Variants in SLC30A8 observed in about 807,000 individuals in gnomAD.
SLC30A8 encodes proton-coupled zinc antiporter SLC30A8.
Under a neutral mutation model 36.9 loss-of-function variants are expected in SLC30A8, and 27 were observed. The observed-to-expected ratio is 0.73, with a 90% CI of 0.54 to 1.01. The LOEUF (loss-of-function observed/expected upper bound fraction) is 1.01, where lower values mean the gene tolerates loss of function less well. Among genes scored for constraint, SLC30A8 ranks in the 50% least tolerant of loss-of-function variants. The pLI is 0.00. For synonymous variants in SLC30A8, 164 were observed against 172.4 expected, an observed-to-expected ratio of 0.95 and a Z score of 0.38; for missense variants, 439 against 452.0, an observed-to-expected ratio of 0.97 and a Z score of 0.26.
rs570475872 is a variant in SLC30A8, at chr8:117,048,556, A to T, written c.-226+9298A>T. ...ATCCTTTGGTTGAATTGCTTCATTT[A>T]TCACTAGATCCTGCTGATTACAATC... On this transcript the variant is annotated intron_variant, in intron 2 of 10. Transcript: ENST00000427715. Among the ~76,000 whole-genome samples the T allele has an allele frequency of 5.9e-5, 9 of 152,318 alleles. No individual in the cohort carries two copies. In the South Asian group the frequency reaches 1.0e-3, roughly 18 times the overall value.
chr8:117,135,144 G>A lies in SLC30A8; in HGVS notation c.-184G>A, dbSNP rs922826208. ...CAATGAAGCCAGGTAATATTGCAAGGAGGCTGTAATTTTAGCAGACCTACC... is the reference window on the plus strand; with the variant it reads ...CAATGAAGCCAGGTAATATTGCAAGAAGGCTGTAATTTTAGCAGACCTACC... On this transcript the variant is annotated 5_prime_UTR_variant, in exon 1 of 8. Coordinates refer to ENST00000456015, the MANE Select transcript of SLC30A8 (RefSeq NM_173851.3). 4.2e-5 allele frequency: 18 copies of A among 429,730 alleles called. No individual in the cohort carries two copies. Among genetic ancestry groups the A allele is most frequent in the South Asian group, 3.4e-4 (5 of 14,806 alleles). The allele number at this position is 429,730 out of a possible 1,614,324, so 26.6% of individuals were successfully genotyped here. A position where few individuals can be genotyped will look rare whatever the true frequency, so the allele number is the denominator to read the frequency against.
In SLC30A8 at chr8:117,011,907, A is replaced by G. The variant is rs527468779; in HGVS notation, c.-265-27312A>G. On this transcript the variant is annotated intron_variant, in intron 1 of 10. Transcript: ENST00000427715. ...AAAGACCATGAGTAATGTGAATTTT[A>G]TTAATTCAGAAGATTTTCTCATTCC... is the stretch of plus-strand genomic sequence containing the variant. Among the ~76,000 whole-genome samples, 23 of 152,348 alleles carry G rather than the reference A, an allele frequency of 1.5e-4. No homozygotes were observed. The South Asian group carries it at 3.9e-3, about 26-fold the overall frequency.
In SLC30A8 at chr8:117,172,541, A is replaced by G. The variant is rs999243796; in HGVS notation, c.970A>G (p.Ser324Gly). Residue 324 changes from serine (S) to glycine (G), a missense_variant, in exon 8 of 8, where the codon AGC becomes GGC. Physicochemically the swap from Ser to Gly is moderately conservative, Grantham distance 56 (BLOSUM62 0). Coordinates refer to ENST00000456015, the MANE Select transcript of SLC30A8 (RefSeq NM_173851.3). ...CTGTGCTTCTTTATCAACAGCAGCCAGCCGGGACAGCCAAGTGGTTCGGAG... is the reference window on the plus strand; with the variant it reads ...CTGTGCTTCTTTATCAACAGCAGCCGGCCGGGACAGCCAAGTGGTTCGGAG... The part of the protein sequence containing the change: ...ILSAHVATAA[S>G]RDSQVVRREI... The G allele has an allele frequency of 1.1e-5, 17 of 1,613,524 alleles. No homozygotes were observed. The highest frequency in any genetic ancestry group is 1.3e-5 in the African/African-American group (1 of 74,890).
intron 1 of SLC30A8, among the ~76,000 whole-genome samples, chr8:116,994,079 T>G (rs909131671): frequency 6.6e-6 from 1 of 151,842 alleles, no homozygotes; most frequent in Non-Finnish European, 1.5e-5. Context: ...AAGCACACTC[T>G]AGGCTCAGAT....
At chr8:117,062,641 G>T (rs943249838) in intron 2 of SLC30A8, among the ~76,000 whole-genome samples, 4 of 152,298 alleles carry the variant, frequency 2.6e-5, no homozygotes, top group East Asian at 3.9e-4. Context: ...ACATTACGTG[G>T]GAAGGAGGAG....
intron 2 of SLC30A8, among the ~76,000 whole-genome samples, chr8:117,040,493 A>G (rs1482048356): frequency 1.3e-5 from 2 of 152,242 alleles, no homozygotes; most frequent in Non-Finnish European, 2.9e-5. Context: ...GGCATTAGCT[A>G]CTTTAACAAG....
At chr8:117,056,982 C>A (rs550477973) in intron 2 of SLC30A8, among the ~76,000 whole-genome samples, 101 of 152,272 alleles carry the variant, frequency 6.6e-4, no homozygotes, top group African/African-American at 2.4e-3. Context: ...GCCACAGAAT[C>A]TCACTTGTAT....
At chr8:117,103,516 C>T (rs1586520978) in intron 2 of SLC30A8, among the ~76,000 whole-genome samples, 2 of 152,060 alleles carry the variant, frequency 1.3e-5, no homozygotes, top group African/African-American at 2.4e-5. Context: ...ACTCTGTTGC[C>T]CAGACTGGAG....
At chr8:116,990,413 T>C (rs1300919194) in intron 1 of SLC30A8, among the ~76,000 whole-genome samples, 2 of 152,190 alleles carry the variant, frequency 1.3e-5, no homozygotes, top group African/African-American at 4.8e-5. Flanking sequence ...TTATGTACTT[T>C]CCGATATCAT....
rs1822266670 is a variant in SLC30A8, at chr8:117,152,980, A to T, written c.308A>T (p.Asp103Val). The T allele has an allele frequency of 6.2e-7, 1 of 1,612,912 alleles. No individual in the cohort carries two copies. Among genetic ancestry groups the T allele is most frequent in the Non-Finnish European group, 8.5e-7 (1 of 1,179,178 alleles). Residue 103 changes from aspartate (D) to valine (V), a missense_variant, in exon 3 of 8, where the codon GAT becomes GTT. Asp to Val is a radical substitution (Grantham distance 152). Coordinates refer to ENST00000456015, the MANE Select transcript of SLC30A8 (RefSeq NM_173851.3). ...HIAGSLAVVT[D>V]AAHLLIDLTS... ...GCTGGGAGTCTTGCTGTTGTCACAG[A>T]TGCTGCCCACCTCTTAATTGACCTG...
At chr8:117,012,767 T>A (rs988204279) in intron 1 of SLC30A8, among the ~76,000 whole-genome samples, 1 of 106,026 alleles carries the variant, frequency 9.4e-6, no homozygotes, top group African/African-American at 3.6e-5. Flanking sequence ...ACACGGTGGA[T>A]CCTCAAATAG....
In SLC30A8 at chr8:117,173,814, G is replaced by C. The variant is rs764662126; in HGVS notation, c.*1133G>C. 2 of 152,126 alleles carry C rather than the reference G, an allele frequency of 1.3e-5. No homozygotes were observed. The highest frequency in any genetic ancestry group is 2.9e-5 in the Non-Finnish European group (2 of 68,018). The allele number at this position is 152,126 out of a possible 1,614,324, so 9.4% of individuals were successfully genotyped here. ...CCACAGGAGTTCATTGAGTGGGACAGCTAGACACATACATTGGCAGCTACA... is the reference window on the plus strand; with the variant it reads ...CCACAGGAGTTCATTGAGTGGGACACCTAGACACATACATTGGCAGCTACA... On this transcript the variant is annotated 3_prime_UTR_variant, in exon 8 of 8. Coordinates refer to ENST00000456015, the MANE Select transcript of SLC30A8 (RefSeq NM_173851.3).
chr8:117,018,801 AG>A (rs1816612163), intron 1 of SLC30A8, among the ~76,000 whole-genome samples: 1 of 151,612 alleles, frequency 6.6e-6, no homozygotes, highest in Non-Finnish European at 1.5e-5. Flanking sequence ...CTGGGACTAC[AG>A]GGGCCTGCCA....
intron 2 of SLC30A8, among the ~76,000 whole-genome samples, chr8:117,061,194 C>G (rs1818016815): frequency 6.6e-6 from 1 of 152,326 alleles, no homozygotes; most frequent in Non-Finnish European, 1.5e-5. Context: ...CACTATGACT[C>G]TAGTTTGGGT....
intron 1 of SLC30A8, among the ~76,000 whole-genome samples, chr8:117,019,253 A>T (rs1202106659): frequency 2.6e-5 from 4 of 152,226 alleles, no homozygotes; most frequent in Non-Finnish European, 5.9e-5. Flanking sequence ...CGCATTTTTA[A>T]AAACTGAATC....
rs1823566410 is a variant in SLC30A8 at position 117,174,472 on chromosome 8, G to C, written c.*1791G>C. The C allele has an allele frequency of 6.6e-6, 1 of 152,528 alleles. No homozygotes were observed. Among genetic ancestry groups the C allele is most frequent in the African/African-American group, 2.4e-5 (1 of 41,410 alleles). 9.4% of individuals were successfully genotyped at this position (152,528 alleles called of 1,614,324 possible). ...ACTCATCCCCCACCTCAGTGAGCTT[G>C]TTTAGGCAACCAGGATTAGAGCTGC... On this transcript the variant is annotated 3_prime_UTR_variant, in exon 8 of 8. Coordinates refer to ENST00000456015, the MANE Select transcript of SLC30A8 (RefSeq NM_173851.3).
intron 1 of SLC30A8, among the ~76,000 whole-genome samples, chr8:116,953,385 T>G (rs75754761): frequency 0.025 from 3,764 of 152,312 alleles, 153 homozygotes; most frequent in African/African-American, 0.085. Flanking sequence ...GTATTTTTCT[T>G]ACATTTCTAT....
chr8:117,037,277 C>A (rs1382470538), intron 1 of SLC30A8, among the ~76,000 whole-genome samples: 1 of 152,168 alleles, frequency 6.6e-6, no homozygotes, highest in Non-Finnish European at 1.5e-5. Context: ...TCTACATTCT[C>A]CTTATTCACC....
chr8:117,163,305 A>C (rs1822887813), intron 5 of SLC30A8, 120 bp from the exon 6 acceptor site: 3 of 720,040 alleles, frequency 4.2e-6, no homozygotes, highest in Non-Finnish European at 6.7e-6. Flanking sequence ...GACACATGTC[A>C]AAAGGGTAAA....
Sources: gnomAD v4.1 joint callset for allele counts (sites outside exome capture counted in the v4.1 genomes callset) on GRCh38, gnomAD v4.1.1 for gene constraint, MANE v1.5 for transcripts, NCBI Gene and HGNC (gene_info 2026-07-23, HGNC 2026-07-21) for gene names.